The following AGO3 variants were observed in gnomAD, a reference collection of about 807,000 sequenced individuals.
AGO3 encodes protein argonaute-3.
Under a neutral mutation model 105.5 loss-of-function variants are expected in AGO3, and 16 were observed. The ratio of observed to expected loss-of-function variants is 0.15; its 90% CI spans 0.10 to 0.23. The LOEUF (loss-of-function observed/expected upper bound fraction) is 0.23, where lower values mean the gene tolerates loss of function less well. AGO3 is among the 10% of genes least tolerant of loss of function. The pLI is 1.00. For synonymous variants in AGO3, 340 were observed against 367.3 expected, an observed-to-expected ratio of 0.93 and a Z score of 0.85; for missense variants, 534 against 1,088.0, an observed-to-expected ratio of 0.49 and a Z score of 7.16.
intron 17 of AGO3, among the ~76,000 whole-genome samples, chr1:36,054,476 G>T (rs1215068541): frequency 6.6e-6 from 1 of 151,950 alleles, no homozygotes; most frequent in Non-Finnish European, 1.5e-5. Flanking sequence ...GAGCCTCACT[G>T]TGTTGTGCAG....
intron 9 of AGO3, among the ~76,000 whole-genome samples, chr1:36,012,170 A>C (rs1484695310): frequency 6.6e-6 from 1 of 151,840 alleles, no homozygotes; most frequent in Non-Finnish European, 1.5e-5. Context: ...CCCCATCTCT[A>C]CAAAAAAAAT....
intron 5 of AGO3, among the ~76,000 whole-genome samples, chr1:35,989,695 T>G (rs1436069770): frequency 6.6e-6 from 1 of 152,006 alleles, no homozygotes; most frequent in African/African-American, 2.4e-5. Flanking sequence ...GGCAAGATGG[T>G]GAAACCCTGT....
intron 3 of AGO3, among the ~76,000 whole-genome samples, chr1:35,971,794 C>T (rs1486412069): frequency 2.0e-5 from 3 of 151,768 alleles, no homozygotes; most frequent in Admixed American, 6.6e-5. Context: ...TTTTCATAGC[C>T]GCATAGATGT....
chr1:36,040,155 C>A, intron 15 of AGO3, 152 bp from the exon 16 acceptor site: 1 of 1,154,348 alleles, frequency 8.7e-7, no homozygotes, highest in Non-Finnish European at 1.2e-6. Flanking sequence ...GCCTTGCTTG[C>A]TAAGACCATG....
intron 5 of AGO3, chr1:35,992,047 T>C (rs2148795241): frequency 6.6e-6 from 1 of 152,324 alleles, no homozygotes; most frequent in Admixed American, 6.5e-5. Context: ...AATGTTAGGA[T>C]CCTTAGGTCT....
chr1:35,978,180 A>T (rs1241781588), intron 5 of AGO3, among the ~76,000 whole-genome samples: 1 of 152,082 alleles, frequency 6.6e-6, no homozygotes, highest in East Asian at 1.9e-4. Context: ...CTAGAGATGT[A>T]AGGTACCCAA....
chr1:35,955,024 G>A (rs1347292510), intron 2 of AGO3, among the ~76,000 whole-genome samples: 1 of 152,200 alleles, frequency 6.6e-6, no homozygotes, highest in Non-Finnish European at 1.5e-5. Flanking sequence ...TGACATGTTG[G>A]TATAACAGAA....
Position 36,055,503 on chromosome 1 carries a change from T to C in AGO3, c.2475-134T>C, listed in dbSNP as rs1642887864. The C allele has an allele frequency of 3.6e-6, 3 of 828,138 alleles. No individual in the cohort carries two copies. The highest frequency in any genetic ancestry group is 2.4e-5 in the Admixed American group (1 of 40,918). 51.3% of individuals were successfully genotyped at this position (828,138 alleles called of 1,614,324 possible). On this transcript the variant is annotated intron_variant, in intron 18 of 18. Coordinates refer to ENST00000373191, the MANE Select transcript of AGO3 (RefSeq NM_024852.4). The surrounding 1 kb of genome is among the most constrained non-coding windows in gnomAD (Gnocchi z 4.4). The stretch of plus-strand genomic sequence containing the variant: ...GTTAATAGTGATTGAAGCTGAGTGA[T>C]GGACACATAGATTGTTACACCAGTC...
At chr1:35,985,256 T>TG (rs1205769427) in intron 5 of AGO3, among the ~76,000 whole-genome samples, 1 of 152,144 alleles carries the variant, frequency 6.6e-6, no homozygotes, top group Non-Finnish European at 1.5e-5. Flanking sequence ...TACTCCAGCC[T>TG]GGGCAACAGA....
chr1:35,966,333 T>A (rs770502798), intron 2 of AGO3, among the ~76,000 whole-genome samples: 2 of 152,174 alleles, frequency 1.3e-5, no homozygotes, highest in Non-Finnish European at 2.9e-5. Context: ...TTTGTGAAAA[T>A]TTGGTATTTC....
chr1:36,045,561 C>CGCTAGAGTGTAATGGCGTGATCCCAG (rs1190559586), intron 17 of AGO3, among the ~76,000 whole-genome samples: 45 of 150,396 alleles, frequency 3.0e-4, no homozygotes, highest in African/African-American at 1.1e-3. Context: ...TTGTCGCCCA[C>CGCTAGAGTGTAATGGCGTGATCCCAG]GCTAGAGTGT....
At chr1:36,006,464 G>T (rs1447200355) in intron 6 of AGO3, among the ~76,000 whole-genome samples, 3 of 151,846 alleles carry the variant, frequency 2.0e-5, no homozygotes, top group Admixed American at 6.6e-5. Context: ...AGCTTTATAG[G>T]CTTGGAGAAC....
Position 36,055,666 on chromosome 1 carries a change from G to T in AGO3, c.2504G>T (p.Ser835Ile). 1 of 1,614,170 alleles carries T rather than the reference G, an allele frequency of 6.2e-7. No individual in the cohort carries two copies. Among genetic ancestry groups the T allele is most frequent in the South Asian group, 1.1e-5 (1 of 91,082 alleles). ...SAEGSHVSGQ[S>I]NGRDPQALAK... ...GAAGGAAGTCACGTTTCAGGACAAA[G>T]CAATGGGCGAGATCCACAAGCTCTT... The change falls in exon 19 of 19, where the codon AGC (serine) becomes ATC (isoleucine). Residue 835 changes from serine to isoleucine, a missense_variant. Ser to Ile is a moderately radical substitution (Grantham distance 142). This residue lies in a region of AGO3 where 373 missense variants were observed against 854.0 expected (regional missense o/e 0.44). Coordinates refer to ENST00000373191, the MANE Select transcript of AGO3 (RefSeq NM_024852.4). This position sits in a 1 kb window ranked among gnomAD's most constrained non-coding sequence, Gnocchi z 4.4.
At position 35,995,209 on chromosome 1, in the gene AGO3, A is replaced by AAAAAAAAAT. The variant is rs1237315557; in HGVS notation, c.659-9131_659-9130insAAAAAAATA. On this transcript the variant is annotated intron_variant, in intron 5 of 18. Transcript: ENST00000373191. ...GAGCAAGACACTGTCTAAAAAAAAA[A>AAAAAAAAAT]ATATATATATATATATATATATATA... Among the ~76,000 whole-genome samples, 3 of 114,740 alleles carry AAAAAAAAAT rather than the reference A, an allele frequency of 2.6e-5. No homozygotes were observed. In the Admixed American group the frequency reaches 3.0e-4, roughly 12 times the overall value. The allele number at this position is 114,740 out of a possible 152,430, so 75.3% of individuals were successfully genotyped here.
At chr1:36,016,589 C>A (rs769912981) in intron 11 of AGO3, among the ~76,000 whole-genome samples, 1 of 151,832 alleles carries the variant, frequency 6.6e-6, no homozygotes, top group African/African-American at 2.4e-5. Flanking sequence ...TTTGATCTAT[C>A]CCCCCAATTT....
At chr1:36,006,310 G>C (rs914534211) in intron 6 of AGO3, among the ~76,000 whole-genome samples, 5 of 151,824 alleles carry the variant, frequency 3.3e-5, no homozygotes, top group Admixed American at 2.6e-4. Context: ...TTTTCCAGTT[G>C]AACTTGTACC....
chr1:36,036,032 CAA>C (rs11312730), intron 13 of AGO3, 143 bp from the exon 14 acceptor site: 57,584 of 348,828 alleles, frequency 0.17, 16 homozygotes, highest in South Asian at 0.2. Context: ...GACTCCGTCT[CAA>C]AAAAAAAAAA....
chr1:36,024,786 C>T (rs79353624), intron 11 of AGO3, among the ~76,000 whole-genome samples: 6,148 of 152,152 alleles, frequency 0.04, 425 homozygotes, highest in African/African-American at 0.14. Flanking sequence ...CAGGTTCAAG[C>T]GTAAAATCAG....
chr1:35,973,712 A>G (rs780212717), intron 5 of AGO3: 21 of 438,186 alleles, frequency 4.8e-5, no homozygotes, highest in Non-Finnish European at 6.6e-5. Context: ...GCTGCTAAAC[A>G]TGAAGCAAGC....
Sources: gnomAD v4.1 joint callset for allele counts (sites outside exome capture counted in the v4.1 genomes callset) on GRCh38, gnomAD v4.1.1 for gene constraint, gnomAD v4.1.1 regional missense constraint, Gnocchi (gnomAD v3.1) non-coding constraint, MANE v1.5 for transcripts, NCBI Gene and HGNC (gene_info 2026-07-23, HGNC 2026-07-21) for gene names.